MEGF10: variants seen among roughly 807,000 people sequenced by gnomAD.
MEGF10 encodes multiple EGF like domains 10.
A neutral mutation model predicts 147.5 loss-of-function variants in MEGF10; 86 were observed. The ratio of observed to expected loss-of-function variants is 0.58; its 90% CI spans 0.49 to 0.70. MEGF10 has a LOEUF of 0.70. Ranked by LOEUF, MEGF10 falls within the 30% of genes least tolerant of loss-of-function variation. The pLI, the probability that MEGF10 is intolerant of heterozygous loss-of-function variation, is 0.00. For missense variants in MEGF10, 1,329 were observed against 1,487.3 expected (o/e 0.89, Z 1.75); for synonymous variants, 478 against 525.5 (o/e 0.91, Z 1.24).
intron 1 of MEGF10, among the ~76,000 whole-genome samples, chr5:127,329,938 A>G (rs1024660913): frequency 6.6e-6 from 1 of 152,154 alleles, no homozygotes; most frequent in Admixed American, 6.5e-5. Context: ...AGGTCCTAGC[A>G]TATCGTATGT....
rs78749794 is a variant in MEGF10, at chr5:127,350,255, C to T, written c.319+9625C>T. Among the ~76,000 whole-genome samples the T allele has an allele frequency of 6.4e-3, 976 of 152,216 alleles. 12 individuals carry two copies. The highest frequency in any genetic ancestry group is 0.023 in the African/African-American group (939 of 41,532). On this transcript the variant is annotated intron_variant, in intron 4 of 24. Coordinates refer to ENST00000503335, the MANE Select transcript of MEGF10 (RefSeq NM_001256545.2). ...AGTATCAGCAATCTCTAGACACTTC[C>T]CATTTCTTTGTCCCCACCTTTCAGC...
chr5:127,365,108 T>C (rs1762608287), intron 4 of MEGF10, among the ~76,000 whole-genome samples: 1 of 152,218 alleles, frequency 6.6e-6, no homozygotes, highest in African/African-American at 2.4e-5. Flanking sequence ...TCTTTGCTCA[T>C]AGCGTCAGAA....
At chr5:127,396,149 C>T (rs1165650131) in intron 5 of MEGF10, among the ~76,000 whole-genome samples, 1 of 152,104 alleles carries the variant, frequency 6.6e-6, no homozygotes, top group Non-Finnish European at 1.5e-5. Context: ...TAAAAAGTCC[C>T]TGCATGAGCT....
At chr5:127,406,328 C>T (rs925186473) in intron 8 of MEGF10, among the ~76,000 whole-genome samples, 2 of 152,340 alleles carry the variant, frequency 1.3e-5, no homozygotes, top group Admixed American at 6.5e-5. Flanking sequence ...GAACTTGCTT[C>T]TCGACCTGCT....
intron 5 of MEGF10, among the ~76,000 whole-genome samples, chr5:127,377,368 G>C (rs895644402): frequency 1.3e-5 from 2 of 152,176 alleles, no homozygotes; most frequent in African/African-American, 4.8e-5. Context: ...GCCAGCATAT[G>C]GTTTTCAAAT....
chr5:127,365,106 C>T lies in MEGF10; in HGVS notation c.320-4804C>T, dbSNP rs185492279. ...AGATTTGTGACTTACACTCTTTGCT[C>T]ATAGCGTCAGAATAAAAGGAACTTC... On this transcript the variant is annotated intron_variant, in intron 4 of 24. Coordinates refer to ENST00000503335, the MANE Select transcript of MEGF10 (RefSeq NM_001256545.2). 7.2e-5 allele frequency among the ~76,000 whole-genome samples: 11 copies of T among 152,296 alleles called. No individual in the cohort carries two copies. The East Asian group carries it at 2.1e-3, about 29-fold the overall frequency.
intron 1 of MEGF10, among the ~76,000 whole-genome samples, chr5:127,293,715 T>C (rs1273368548): frequency 2.0e-5 from 3 of 152,226 alleles, no homozygotes; most frequent in African/African-American, 4.8e-5. Flanking sequence ...GCTCTCTGGA[T>C]GGTGAATGTC....
the MEGF10 span, among the ~76,000 whole-genome samples, chr5:127,285,434 TTAG>T: frequency 6.6e-6 from 1 of 152,150 alleles, no homozygotes; most frequent in African/African-American, 2.4e-5. Context: ...AATTGGAATT[TTAG>T]TAGATTATAA....
the MEGF10 span, among the ~76,000 whole-genome samples, chr5:127,260,114 G>C: frequency 1.3e-4 from 20 of 151,920 alleles, no homozygotes; most frequent in Admixed American, 5.9e-4. Context: ...CTGAGATCAC[G>C]CCACTGCACT....
At chr5:127,401,000 A>G (rs1192033969) in intron 7 of MEGF10, among the ~76,000 whole-genome samples, 2 of 152,242 alleles carry the variant, frequency 1.3e-5, no homozygotes, top group Non-Finnish European at 2.9e-5. Context: ...ATTGAAACGA[A>G]GAGAAATCAT....
chr5:127,379,482 C>T (rs1378849804), intron 5 of MEGF10, among the ~76,000 whole-genome samples: 4 of 152,082 alleles, frequency 2.6e-5, no homozygotes, highest in African/African-American at 9.7e-5. Context: ...TCACACTGCT[C>T]AGTCTCTGCC....
Position 127,447,062 on chromosome 5 carries a change from T to G in MEGF10, c.2729-495T>G, listed in dbSNP as rs543973413. Among the ~76,000 whole-genome samples, 4 of 152,328 alleles carry G rather than the reference T, an allele frequency of 2.6e-5. No homozygotes were observed. The East Asian group carries it at 7.7e-4, about 29-fold the overall frequency. On this transcript the variant is annotated intron_variant, in intron 20 of 24. Coordinates refer to ENST00000503335, the MANE Select transcript of MEGF10 (RefSeq NM_001256545.2). ...CTTTCATACTTTTCCAAGGAGGCAG[T>G]TAGGAAGGTAGAGGCCTGTTGCTTC...
intron 22 of MEGF10, among the ~76,000 whole-genome samples, chr5:127,450,747 T>G (rs185993629): frequency 1.3e-5 from 2 of 152,206 alleles, no homozygotes; most frequent in African/African-American, 2.4e-5. Flanking sequence ...ATGTTTTGTT[T>G]TGTTTTGTTT....
chr5:127,308,437 G>T (rs1402402442), intron 1 of MEGF10, among the ~76,000 whole-genome samples: 2 of 152,124 alleles, frequency 1.3e-5, no homozygotes, highest in Non-Finnish European at 2.9e-5. Flanking sequence ...TTCTGACATT[G>T]CACAGTGGCT....
At chr5:127,384,154 G>A (rs948637390) in intron 5 of MEGF10, among the ~76,000 whole-genome samples, 4 of 152,056 alleles carry the variant, frequency 2.6e-5, no homozygotes, top group African/African-American at 7.2e-5. Context: ...ATCCTGTCTC[G>A]TAACACCTAG....
At chr5:127,265,071 C>T in the MEGF10 span, among the ~76,000 whole-genome samples, 1 of 152,152 alleles carries the variant, frequency 6.6e-6, no homozygotes, top group Non-Finnish European at 1.5e-5. Flanking sequence ...TCCTCCCTTC[C>T]CCCTCACCAC....
intron 1 of MEGF10, among the ~76,000 whole-genome samples, chr5:127,303,020 G>A (rs1043563000): frequency 1.3e-5 from 2 of 151,982 alleles, no homozygotes; most frequent in African/African-American, 4.8e-5. Flanking sequence ...CCAGACTAAA[G>A]GATTTGTATA....
chr5:127,232,062 G>A, the MEGF10 span, among the ~76,000 whole-genome samples: 1 of 152,190 alleles, frequency 6.6e-6, no homozygotes, highest in Admixed American at 6.5e-5. Flanking sequence ...AGTAAGCCCG[G>A]GAAGAGAAAG....
At position 127,310,033 on chromosome 5, in the gene MEGF10, T is replaced by C. The variant is rs1183416292; in HGVS notation, c.-19+18977T>C. Among the ~76,000 whole-genome samples the C allele has an allele frequency of 6.4e-3, 241 of 37,848 alleles. 46 individuals carry two copies. The highest frequency in any genetic ancestry group is 0.018 in the African/African-American group (207 of 11,546). The allele number at this position is 37,848 out of a possible 152,430, so 24.8% of individuals were successfully genotyped here. ...TCCTTTCTTTTTTTCTTTCTTTCTTTCCTTCTTTCTTTATTTCTTTCTTTC... is the reference window on the plus strand; with the variant it reads ...TCCTTTCTTTTTTTCTTTCTTTCTTCCCTTCTTTCTTTATTTCTTTCTTTC... On this transcript the variant is annotated intron_variant, in intron 1 of 24. Transcript: ENST00000503335.
Sources: allele counts gnomAD v4.1 joint callset (sites outside exome capture counted in the v4.1 genomes callset), GRCh38; gene constraint gnomAD v4.1.1; transcripts MANE v1.5; gene names NCBI Gene and HGNC (gene_info 2026-07-23, HGNC 2026-07-21).